Variants in EIF2AK3 observed in about 807,000 individuals in gnomAD.
EIF2AK3 encodes eukaryotic translation initiation factor 2-alpha kinase 3.
EIF2AK3 carries 50 observed loss-of-function variants against 113.5 expected under a neutral mutation model. That is an observed-to-expected ratio of 0.44 (90% CI 0.35 to 0.56). EIF2AK3 has a LOEUF of 0.56. EIF2AK3 is among the 20% of genes least tolerant of loss of function. The probability of loss-of-function intolerance (pLI) is 0.00; values close to 1 mark genes in which losing one functional copy is unlikely to be tolerated. For synonymous variants in EIF2AK3, 448 were observed against 495.4 expected (o/e 0.90, Z 1.27); for missense variants, 1,185 against 1,378.0 (o/e 0.86, Z 2.22).
intron 9 of EIF2AK3, among the ~76,000 whole-genome samples, chr2:88,584,872 C>T (rs773469723): frequency 5.3e-5 from 8 of 151,844 alleles, no homozygotes; most frequent in African/African-American, 1.7e-4. Flanking sequence ...TGGCTGAGCA[C>T]GGTGGAGGGG....
chr2:88,604,312 C>G (rs1675219339), intron 2 of EIF2AK3, among the ~76,000 whole-genome samples: 1 of 152,182 alleles, frequency 6.6e-6, no homozygotes, highest in South Asian at 2.1e-4. Flanking sequence ...CCATCCTCAA[C>G]TTCTCTCAGT....
At chr2:88,566,204 A>G (rs139402829) in intron 14 of EIF2AK3, among the ~76,000 whole-genome samples, 9 of 152,326 alleles carry the variant, frequency 5.9e-5, no homozygotes, top group Admixed American at 3.3e-4. Context: ...AATCTCTTAT[A>G]CAGTAATGTG....
chr2:88,610,725 TTTA>T (rs1376823181), intron 2 of EIF2AK3, among the ~76,000 whole-genome samples: 1 of 152,206 alleles, frequency 6.6e-6, no homozygotes, highest in Non-Finnish European at 1.5e-5. Flanking sequence ...GTGGAGTGGG[TTTA>T]TTGTTATTTC....
At chr2:88,613,320 A>G (rs1165107674) in intron 2 of EIF2AK3, among the ~76,000 whole-genome samples, 2 of 152,238 alleles carry the variant, frequency 1.3e-5, no homozygotes, top group Non-Finnish European at 2.9e-5. Flanking sequence ...TTAGGGAATA[A>G]TAATTTATGG....
intron 2 of EIF2AK3, among the ~76,000 whole-genome samples, chr2:88,601,236 T>C (rs1675140841): frequency 6.6e-6 from 1 of 152,246 alleles, no homozygotes; most frequent in Admixed American, 6.5e-5. Flanking sequence ...CCAGATTATC[T>C]GTCCTATAGA....
chr2:88,609,915 C>G (rs1001389487), intron 2 of EIF2AK3, among the ~76,000 whole-genome samples: 1 of 130,848 alleles, frequency 7.6e-6, no homozygotes, highest in Non-Finnish European at 1.5e-5. Context: ...TCGAGATCAG[C>G]CTGGGCAAAA....
intron 1 of EIF2AK3, among the ~76,000 whole-genome samples, chr2:88,614,660 G>A (rs1245457562): frequency 2.0e-5 from 3 of 152,014 alleles, no homozygotes; most frequent in Non-Finnish European, 4.4e-5. Context: ...CTGACCCTAT[G>A]AGAACCTACA....
chr2:88,593,891 A>G, intron 3 of EIF2AK3: 1 of 997,506 alleles, frequency 1.0e-6, no homozygotes, highest in Non-Finnish European at 1.2e-6. Context: ...GATCCAAACT[A>G]AAATCCTCAC....
In EIF2AK3 at chr2:88,583,669, T is replaced by A. The variant is rs182049864; in HGVS notation, c.1651-127A>T. On this transcript the variant is annotated intron_variant, in intron 9 of 16. Coordinates refer to ENST00000303236, the MANE Select transcript of EIF2AK3 (RefSeq NM_004836.7). ...AGCATCAAGAAAAATAAAAGCATTA[T>A]GAAAACAAAGTGCAGCATTTTGCTT... 12 of 737,582 alleles carry A rather than the reference T, an allele frequency of 1.6e-5. No homozygotes were observed. In the East Asian group the frequency reaches 3.1e-4, roughly 19 times the overall value. 45.7% of individuals were successfully genotyped at this position (737,582 alleles called of 1,614,324 possible).
chr2:88,586,822 C>A (rs1430019074), intron 8 of EIF2AK3, among the ~76,000 whole-genome samples: 2 of 151,094 alleles, frequency 1.3e-5, no homozygotes, highest in Admixed American at 6.6e-5. Context: ...GAACTCCTGA[C>A]CTCAAGTGAT....
Position 88,583,521 on chromosome 2 carries a change from G to A in EIF2AK3, c.1672C>T (p.Gln558Ter). 6.2e-7 allele frequency: 1 copy of A among 1,612,816 alleles called. No individual in the cohort carries two copies. The highest frequency in any genetic ancestry group is 8.5e-7 in the Non-Finnish European group (1 of 1,179,486). Residue 558 changes from glutamine to a stop codon, truncating the protein, a stop_gained, in exon 10 of 17, where the codon CAG becomes TAG. Coordinates refer to ENST00000303236, the MANE Select transcript of EIF2AK3 (RefSeq NM_004836.7). LOFTEE classifies it high-confidence loss of function. The stretch of plus-strand genomic sequence containing the variant: ...TCATATTTATTTTCAGTTTGACACT[G>A]AGTTTCAGACTCCTTCCTTTGCTGA... ...PHRQRKESET[Q>*]CQTENKYDSV...
chr2:88,598,968 A>C (rs975964344), intron 2 of EIF2AK3, among the ~76,000 whole-genome samples: 2 of 152,142 alleles, frequency 1.3e-5, no homozygotes, highest in African/African-American at 4.8e-5. Context: ...ACGGGCAAGC[A>C]TATAAAGCAG....
intron 6 of EIF2AK3, 93 bp from the exon 7 acceptor site, chr2:88,588,994 C>A: frequency 7.2e-7 from 1 of 1,391,096 alleles, no homozygotes; most frequent in South Asian, 1.2e-5. Flanking sequence ...GTTATTTCTA[C>A]ATACACCACA....
intron 1 of EIF2AK3, among the ~76,000 whole-genome samples, chr2:88,614,218 C>T (rs866092760): frequency 6.6e-5 from 10 of 152,100 alleles, no homozygotes; most frequent in East Asian, 1.9e-4. Context: ...TCATAGAAAC[C>T]GGGCTTTCCC....
intron 2 of EIF2AK3, among the ~76,000 whole-genome samples, chr2:88,608,916 T>C (rs1675363027): frequency 6.7e-6 from 1 of 150,206 alleles, no homozygotes; most frequent in African/African-American, 2.4e-5. Context: ...GTATTTTTTG[T>C]AGAGATGGGG....
intron 2 of EIF2AK3, among the ~76,000 whole-genome samples, chr2:88,601,149 A>G (rs1281884949): frequency 6.6e-6 from 1 of 152,200 alleles, no homozygotes; most frequent in East Asian, 1.9e-4. Context: ...CCAAGTCTAC[A>G]TATTACATCT....
chr2:88,622,434 G>A (rs1304385630), intron 1 of EIF2AK3, among the ~76,000 whole-genome samples: 1 of 152,224 alleles, frequency 6.6e-6, no homozygotes, highest in Non-Finnish European at 1.5e-5. Flanking sequence ...ACAGCTCACA[G>A]CAACTGATAA....
rs149075007 is a variant in EIF2AK3 at position 88,581,384 on chromosome 2, T to C, written c.1764-1744A>G. Among the ~76,000 whole-genome samples the C allele has an allele frequency of 4.1e-3, 628 of 152,306 alleles. 7 individuals are homozygous for C. Among genetic ancestry groups the C allele is most frequent in the African/African-American group, 0.014 (598 of 41,562 alleles). ...TATTCTACTCCCCAAACCTCATCTC[T>C]ACTTGCCGAACTCTCACAATTTAAA... On this transcript the variant is annotated intron_variant, in intron 10 of 16. Coordinates refer to ENST00000303236, the MANE Select transcript of EIF2AK3 (RefSeq NM_004836.7).
chr2:88,585,110 G>C, intron 9 of EIF2AK3, among the ~76,000 whole-genome samples: 1 of 152,124 alleles, frequency 6.6e-6, no homozygotes, highest in South Asian at 2.1e-4. Context: ...AGTTATTTCA[G>C]TGATTCAGGA....
Sources: allele counts gnomAD v4.1 joint callset (sites outside exome capture counted in the v4.1 genomes callset), GRCh38; gene constraint gnomAD v4.1.1; transcripts MANE v1.5; gene names NCBI Gene and HGNC (gene_info 2026-07-23, HGNC 2026-07-21).